MGAT4C: variants seen among roughly 807,000 people sequenced by gnomAD.
The protein encoded by MGAT4C is MGAT4 family member C, also known as alpha-1,3-mannosyl-glycoprotein 4-beta-N-acetylglucosaminyltransferase C.
MGAT4C carries 19 observed loss-of-function variants against 40.1 expected under a neutral mutation model. The observed-to-expected ratio is 0.47, with a 90% CI of 0.33 to 0.70. The LOEUF (loss-of-function observed/expected upper bound fraction) is 0.70. MGAT4C is among the 30% of genes least tolerant of loss of function. The pLI, the probability that MGAT4C is intolerant of heterozygous loss-of-function variation, is 0.02. For missense variants in MGAT4C, 491 were observed against 563.2 expected (o/e 0.87, Z 1.30); for synonymous variants, 181 against 187.1 (o/e 0.97, Z 0.27).
chr12:86,166,008 G>C (rs766021113), intron 1 of MGAT4C, among the ~76,000 whole-genome samples: 60 of 152,006 alleles, frequency 3.9e-4, no homozygotes, highest in Non-Finnish European at 4.7e-4. Flanking sequence ...TCTAAATCAC[G>C]CTCTTAATTT....
chr12:86,607,333 A>C (rs1159338673), intron 2 of MGAT4C, among the ~76,000 whole-genome samples: 1 of 152,066 alleles, frequency 6.6e-6, no homozygotes, highest in Non-Finnish European at 1.5e-5. Context: ...AATAAGTATA[A>C]AAATAGTGCT....
chr12:86,706,437 T>A (rs543047564), intron 2 of MGAT4C, among the ~76,000 whole-genome samples: 37 of 152,006 alleles, frequency 2.4e-4, no homozygotes, highest in Admixed American at 2.0e-3. Context: ...CTTTATTTTT[T>A]AAATAGGGAT....
chr12:86,361,878 C>A (rs75492672), intron 3 of MGAT4C, among the ~76,000 whole-genome samples: 13,866 of 152,038 alleles, frequency 0.091, 781 homozygotes, highest in Middle Eastern at 0.22. Context: ...ATTCCTTTAC[C>A]CTGTTGGTGG....
intron 1 of MGAT4C, among the ~76,000 whole-genome samples, chr12:86,110,200 A>G (rs184519758): frequency 7.7e-6 from 1 of 129,664 alleles, no homozygotes; most frequent in East Asian, 2.1e-4. Flanking sequence ...TGGCAATGGA[A>G]GTATCTTAAG....
intron 3 of MGAT4C, among the ~76,000 whole-genome samples, chr12:86,417,346 A>G (rs1956739006): frequency 6.6e-6 from 1 of 152,152 alleles, no homozygotes; most frequent in Non-Finnish European, 1.5e-5. Context: ...ATTTTCAATA[A>G]TCTTTAAGGC....
Position 86,770,138 on chromosome 12 carries a change from CAG to C in MGAT4C, c.-261-42899_-261-42898del, listed in dbSNP as rs369608993. Reference sequence around the variant, plus strand: ...GGATGATTTAGCCTATATTCAGAAACAGAGACTATTTTTTTTCATAGAACGTT... The same window carrying C: ...GGATGATTTAGCCTATATTCAGAAACAGACTATTTTTTTTCATAGAACGTT... On this transcript the variant is annotated intron_variant, in intron 1 of 7. Coordinates refer to the MGAT4C transcript ENST00000548651. 6.6e-5 allele frequency among the ~76,000 whole-genome samples: 10 copies of C among 151,994 alleles called. 1 individual carries two copies. In the East Asian group the frequency reaches 9.7e-4, roughly 15 times the overall value.
intron 2 of MGAT4C, among the ~76,000 whole-genome samples, chr12:86,510,310 A>G (rs1223015479): frequency 6.6e-6 from 1 of 152,102 alleles, no homozygotes; most frequent in Non-Finnish European, 1.5e-5. Context: ...TGTCACCAAC[A>G]GGCCTGCTCT....
At chr12:86,182,624 T>C (rs1888254364) in intron 1 of MGAT4C, among the ~76,000 whole-genome samples, 1 of 152,154 alleles carries the variant, frequency 6.6e-6, no homozygotes, top group South Asian at 2.1e-4. Flanking sequence ...TCTCTCTTCC[T>C]ATTTAGTTTT....
intron 2 of MGAT4C, among the ~76,000 whole-genome samples, chr12:86,559,892 G>T (rs1178637120): frequency 1.3e-5 from 2 of 151,708 alleles, no homozygotes; most frequent in African/African-American, 4.8e-5. Context: ...TAAGATAAAT[G>T]AAACCAAGAA....
chr12:86,580,895 T>A (rs1382995391), intron 2 of MGAT4C, among the ~76,000 whole-genome samples: 1 of 151,464 alleles, frequency 6.6e-6, no homozygotes. Context: ...ACAACAGATG[T>A]ACATCAGGTC....
chr12:86,005,999 A>G (rs1172691504), intron 2 of MGAT4C, among the ~76,000 whole-genome samples: 4 of 152,008 alleles, frequency 2.6e-5, no homozygotes, highest in African/African-American at 9.7e-5. Flanking sequence ...ACAACTTCCA[A>G]TTTTCTCTCA....
At chr12:86,311,807 C>T (rs1304325494) in intron 4 of MGAT4C, among the ~76,000 whole-genome samples, 1 of 152,190 alleles carries the variant, frequency 6.6e-6, no homozygotes, top group Non-Finnish European at 1.5e-5. Context: ...ACCATCTCCC[C>T]ACTTCCCCAT....
chr12:86,237,954 G>A (rs1004793385), intron 1 of MGAT4C, among the ~76,000 whole-genome samples: 1 of 152,042 alleles, frequency 6.6e-6, no homozygotes, highest in South Asian at 2.1e-4. Flanking sequence ...TGGGGTTGTA[G>A]AGTCATTTGA....
intron 1 of MGAT4C, among the ~76,000 whole-genome samples, chr12:86,146,815 A>C (rs899432235): frequency 1.5e-5 from 2 of 134,554 alleles, no homozygotes; most frequent in Non-Finnish European, 3.1e-5. Flanking sequence ...TACTTGCTTT[A>C]TACATTCTAA....
chr12:86,817,634 A>G (rs944294387), intron 1 of MGAT4C, among the ~76,000 whole-genome samples: 1 of 151,620 alleles, frequency 6.6e-6, no homozygotes, highest in African/African-American at 2.4e-5. Context: ...ATTAAAGTTC[A>G]GAATCATTTT....
chr12:86,739,198 A>G (rs1465312728), intron 1 of MGAT4C, among the ~76,000 whole-genome samples: 1 of 149,430 alleles, frequency 6.7e-6, no homozygotes, highest in African/African-American at 2.4e-5. Flanking sequence ...CTTTTTGGAA[A>G]GCAAACAAAT....
chr12:86,318,145 G>C (rs1954292050), intron 4 of MGAT4C, among the ~76,000 whole-genome samples: 1 of 152,038 alleles, frequency 6.6e-6, no homozygotes, highest in South Asian at 2.1e-4. Context: ...AATTGGTTCT[G>C]TGAGGAGAGA....
At chr12:86,604,429 GAACAGAACATTT>G (rs1961968947) in intron 2 of MGAT4C, among the ~76,000 whole-genome samples, 2 of 151,994 alleles carry the variant, frequency 1.3e-5, no homozygotes, top group African/African-American at 4.8e-5. Flanking sequence ...GCTTTCCAGG[GAACAGAACATTT>G]CTGTATGCCA....
chr12:86,209,725 C>A (rs1950386411), intron 1 of MGAT4C, among the ~76,000 whole-genome samples: 1 of 152,062 alleles, frequency 6.6e-6, no homozygotes, highest in Non-Finnish European at 1.5e-5. Flanking sequence ...GTGGATGAAG[C>A]AAGAGCATCA....
Sources: gnomAD v4.1 joint callset for allele counts (sites outside exome capture counted in the v4.1 genomes callset) on GRCh38, gnomAD v4.1.1 for gene constraint, MANE v1.5 for transcripts, NCBI Gene and HGNC (gene_info 2026-07-23, HGNC 2026-07-21) for gene names.